ENTPD4: variants seen among roughly 807,000 people sequenced by gnomAD.
ENTPD4 encodes the protein ectonucleoside triphosphate diphosphohydrolase 4, also known as Golgi UDPase.
Under a neutral mutation model 79.1 loss-of-function variants are expected in ENTPD4, and 60 were observed. The ratio of observed to expected loss-of-function variants is 0.76; its 90% confidence interval spans 0.62 to 0.94. ENTPD4 has a LOEUF of 0.94. Among genes scored for constraint, ENTPD4 ranks in the 40% least tolerant of loss-of-function variants. The pLI, the probability that ENTPD4 is intolerant of heterozygous loss-of-function variation, is 0.00. For missense variants in ENTPD4, 772 were observed against 775.1 expected, an observed-to-expected ratio of 1.00 and a Z score of 0.05; for synonymous variants, 276 against 292.0, an observed-to-expected ratio of 0.95 and a Z score of 0.56.
Position 23,429,695 on chromosome 8 carries a change from T to C in ENTPD4, c.*3231A>G. On this transcript the variant is annotated 3_prime_UTR_variant, in exon 13 of 13. Transcript: ENST00000358689. ...GTACACAGATGTGGAAAACTGGTGG[T>C]GAAAAGAGGGACCTACCCAGCCTTC... 2.0e-6 allele frequency: 2 copies of C among 985,352 alleles called. No individual in the cohort carries two copies. Among genetic ancestry groups the C allele is most frequent in the South Asian group, 4.7e-5 (1 of 21,280 alleles). The allele number at this position is 985,352 out of a possible 1,614,324, so 61.0% of individuals were successfully genotyped here.
chr8:23,443,799 G>T (rs771539444), intron 6 of ENTPD4, 51 bp downstream of exon 6: 2 of 1,070,082 alleles, frequency 1.9e-6, no homozygotes, highest in South Asian at 1.3e-5. Context: ...AAATGGGGAG[G>T]ATTTAAAGGA....
At chr8:23,440,854 A>C (rs1308868682) in intron 8 of ENTPD4, among the ~76,000 whole-genome samples, 2 of 152,200 alleles carry the variant, frequency 1.3e-5, no homozygotes, top group South Asian at 2.1e-4. Flanking sequence ...ACAACTAGTG[A>C]GGAGGAGGAT....
At position 23,434,316 on chromosome 8, in the gene ENTPD4, C is replaced by T. The variant is rs1800515501; in HGVS notation, c.1622+1G>A. 1.2e-6 allele frequency: 2 copies of T among 1,613,806 alleles called. No individual in the cohort carries two copies. Among genetic ancestry groups the T allele is most frequent in the Non-Finnish European group, 8.5e-7 (1 of 1,179,814 alleles). On this transcript the variant is annotated splice_donor_variant, in intron 12 of 12. Coordinates refer to ENST00000358689, the MANE Select transcript of ENTPD4 (RefSeq NM_004901.5). LOFTEE classifies it high-confidence loss of function. ...TCTCGTTCCCAAATTCACAGCCCTACCTTAATGGTAGAAAGCGGGTCCTGT... is the reference window on the plus strand; with the variant it reads ...TCTCGTTCCCAAATTCACAGCCCTATCTTAATGGTAGAAAGCGGGTCCTGT...
At chr8:23,444,052 G>T in intron 5 of ENTPD4, 99 bp from the exon 6 acceptor site, 1 of 752,252 alleles carries the variant, frequency 1.3e-6, no homozygotes, top group Non-Finnish European at 2.2e-6. Context: ...CAAAACCAGG[G>T]ATCTGGTATA....
rs183209260 is a variant in ENTPD4 at position 23,430,416 on chromosome 8, C to T, written c.*2510G>A. The T allele has an allele frequency of 4.4e-3, 4,318 of 985,394 alleles. 12 individuals are homozygous for T. Among genetic ancestry groups the T allele is most frequent in the Middle Eastern group, 5.2e-3 (10 of 1,914 alleles). The allele number at this position is 985,394 out of a possible 1,614,324, so 61.0% of individuals were successfully genotyped here. A position where few individuals can be genotyped will look rare whatever the true frequency, so the allele number is the denominator to read the frequency against. Reference sequence around the variant, plus strand: ...TGGTTACTTCTCTTGTCCATCTTTTCGTGCCCACAAATGGAAACTACATTC... The same window carrying T: ...TGGTTACTTCTCTTGTCCATCTTTTTGTGCCCACAAATGGAAACTACATTC... On this transcript the variant is annotated 3_prime_UTR_variant, in exon 13 of 13. Transcript: ENST00000358689.
At chr8:23,449,425 A>C (rs1426920286) in intron 2 of ENTPD4, among the ~76,000 whole-genome samples, 1 of 152,132 alleles carries the variant, frequency 6.6e-6, no homozygotes. Flanking sequence ...AGGAGGAACA[A>C]ATTTTCTCAA....
chr8:23,432,287 C>G lies in ENTPD4; in HGVS notation c.*639G>C. 1 of 985,392 alleles carries G rather than the reference C, an allele frequency of 1.0e-6. No homozygotes were observed. Among genetic ancestry groups the G allele is most frequent in the East Asian group, 1.1e-4 (1 of 8,810 alleles). The allele number at this position is 985,392 out of a possible 1,614,324, so 61.0% of individuals were successfully genotyped here. On this transcript the variant is annotated 3_prime_UTR_variant, in exon 13 of 13. Coordinates refer to ENST00000358689, the MANE Select transcript of ENTPD4 (RefSeq NM_004901.5). ...GCATCACTATTCAGTCCCCTCTCCA[C>G]TGACAGAATGCATCTTTCCACCTCC... is the stretch of plus-strand genomic sequence containing the variant.
intron 1 of ENTPD4, among the ~76,000 whole-genome samples, chr8:23,451,270 T>G (rs1387482822): frequency 6.6e-6 from 1 of 152,170 alleles, no homozygotes; most frequent in Non-Finnish European, 1.5e-5. Flanking sequence ...TCTGCCGGCC[T>G]CAGCCTCCCA....
intron 5 of ENTPD4, 106 bp downstream of exon 5, chr8:23,444,350 C>CAATGAT: frequency 1.0e-6 from 1 of 997,088 alleles, no homozygotes; most frequent in Non-Finnish European, 1.5e-6. Context: ...ATTTTCCTTT[C>CAATGAT]AATGATGATG....
intron 3 of ENTPD4, 44 bp from the exon 4 acceptor site, chr8:23,447,929 T>C (rs370123429): frequency 7.4e-5 from 111 of 1,499,566 alleles, no homozygotes; most frequent in Middle Eastern, 1.7e-4. Flanking sequence ...ACAAAGAATA[T>C]CACCTGAAGT....
Position 23,448,934 on chromosome 8 carries a change from C to A in ENTPD4, c.14G>T (p.Gly5Val), listed in dbSNP as rs758925752. 284 of 1,612,236 alleles carry A rather than the reference C, an allele frequency of 1.8e-4. 3 individuals carry two copies. In the South Asian group the frequency reaches 2.9e-3, roughly 16 times the overall value. ...AGAAGCAGGAAAAAGACAGGAGATGCCAATCCTGAAATTAGAAGGAAAAAG... is the reference window on the plus strand; with the variant it reads ...AGAAGCAGGAAAAAGACAGGAGATGACAATCCTGAAATTAGAAGGAAAAAG... MGRIGISCLFPASWH... is the reference protein window; with the variant it reads MGRIVISCLFPASWH... Residue 5 changes from glycine (G) to valine (V), a missense_variant, in exon 3 of 13, where the codon GGC (glycine) becomes GTC (valine). Physicochemically the swap from Gly to Val is moderately radical, Grantham distance 109. Transcript: ENST00000358689.
rs201349673 is a variant in ENTPD4 at position 23,435,409 on chromosome 8, A to G, written c.1443T>C (p.Ala481=). 1.9e-6 allele frequency: 3 copies of G among 1,613,720 alleles called. No homozygotes were observed. The highest frequency in any genetic ancestry group is 1.7e-5 in the Admixed American group (1 of 60,008). The change falls in exon 11 of 13, where the codon GCT becomes GCC. Residue 481 remains alanine, a synonymous_variant. Coordinates refer to ENST00000358689, the MANE Select transcript of ENTPD4 (RefSeq NM_004901.5). ...GTACTTACTTAAGCCTGTGGAGGTC[A>G]GCATGAGAGGCGTACAGTCCTCGGT... ...RFDRGLYASH[A]DLHRLKYQCF... is the part of the protein sequence containing the mutation.
At chr8:23,447,968 G>C in intron 3 of ENTPD4, 83 bp from the exon 4 acceptor site, 1 of 1,107,270 alleles carries the variant, frequency 9.0e-7, no homozygotes, top group Non-Finnish European at 1.4e-6. Flanking sequence ...CAAATACCAA[G>C]TCAGTAATTT....
chr8:23,441,760 A>T (rs1156587612), intron 7 of ENTPD4, 37 bp from the exon 8 acceptor site: 8 of 1,603,348 alleles, frequency 5.0e-6, no homozygotes, highest in Non-Finnish European at 6.8e-6. Flanking sequence ...GAACAGAACT[A>T]ATCCAGAGAA....
Position 23,436,945 on chromosome 8 carries a change from T to C in ENTPD4, c.1363A>G (p.Lys455Glu), listed in dbSNP as rs200439552. The change falls in exon 10 of 13, where the codon AAA becomes GAA. Residue 455 changes from lysine (K) to glutamate (E), a missense_variant. Physicochemically the swap from Lys to Glu is moderately conservative, Grantham distance 56. Transcript: ENST00000358689. ...GGDYNAAKFT[K>E]AAKDYCATKW... ...TCTCTCAAGGGTACCTTTGCAGCTTTAGTAAATTTAGCAGCATTGTAGTCT... is the reference window on the plus strand; with the variant it reads ...TCTCTCAAGGGTACCTTTGCAGCTTCAGTAAATTTAGCAGCATTGTAGTCT... 1 of 1,590,884 alleles carries C rather than the reference T, an allele frequency of 6.3e-7. No individual in the cohort carries two copies. The highest frequency in any genetic ancestry group is 8.6e-7 in the Non-Finnish European group (1 of 1,167,880).
In ENTPD4 at chr8:23,449,933, G is replaced by T; in HGVS notation, c.-33C>A. On this transcript the variant is annotated 5_prime_UTR_variant, in exon 2 of 13. Coordinates refer to ENST00000358689, the MANE Select transcript of ENTPD4 (RefSeq NM_004901.5). ...GGTCAGCAACAAGGCAATGCTCTGG[G>T]ATTCAGTCCTTCTCACAAACAATTA... The T allele has an allele frequency of 1.2e-6, 2 of 1,613,906 alleles. No individual in the cohort carries two copies. The highest frequency in any genetic ancestry group is 1.7e-6 in the Non-Finnish European group (2 of 1,179,818).
At chr8:23,435,254 T>C (rs1316389564) in intron 11 of ENTPD4, 138 bp downstream of exon 11, 1 of 628,616 alleles carries the variant, frequency 1.6e-6, no homozygotes, top group South Asian at 2.0e-5. Context: ...TTTGTCCCGT[T>C]TGAAAGGGGC....
At chr8:23,455,994 C>T (rs1396979727) in intron 1 of ENTPD4, among the ~76,000 whole-genome samples, 1 of 152,222 alleles carries the variant, frequency 6.6e-6, no homozygotes, top group African/African-American at 2.4e-5. Flanking sequence ...AGACAGATCT[C>T]TTGGCGACTC....
chr8:23,437,116 T>A lies in ENTPD4; in HGVS notation c.1192A>T (p.Thr398Ser), dbSNP rs762708504. 1.9e-6 allele frequency: 3 copies of A among 1,614,202 alleles called. No homozygotes were observed. In the South Asian group the frequency reaches 3.3e-5, roughly 18 times the overall value. ...GTGDFDLCRE[T>S]IQPFMNKTNE... ...GTTTTATTCATGAAAGGCTGGATAG[T>A]CTCTCGACACAGGTCAAAGTCTCCA... is the stretch of plus-strand genomic sequence containing the variant. The change falls in exon 10 of 13, where the codon ACT becomes TCT. Residue 398 changes from threonine (T) to serine (S), a missense_variant. By Grantham distance (58) the Thr-to-Ser change is moderately conservative. Transcript: ENST00000358689.
Sources: allele counts gnomAD v4.1 joint callset (sites outside exome capture counted in the v4.1 genomes callset), GRCh38; gene constraint gnomAD v4.1.1; transcripts MANE v1.5; gene names NCBI Gene and HGNC (gene_info 2026-07-23, HGNC 2026-07-21).